Variants in PCDHA12 observed in about 807,000 individuals in gnomAD.
The protein encoded by PCDHA12 is protocadherin alpha-12.
PCDHA12 carries 44 observed loss-of-function variants against 60.0 expected under a neutral mutation model. That is an observed-to-expected ratio of 0.73 (90% CI 0.58 to 0.94). The LOEUF is 0.94. Ranked by LOEUF, PCDHA12 falls within the 40% of genes least tolerant of loss-of-function variation. The pLI is 0.00. For missense variants in PCDHA12, 1,276 were observed against 1,239.7 expected (o/e 1.03, Z -0.44); for synonymous variants, 569 against 553.0 (o/e 1.03, Z -0.40).
At chr5:140,923,134 G>C (rs962370475) in intron 1 of PCDHA12, among the ~76,000 whole-genome samples, 2 of 152,106 alleles carry the variant, frequency 1.3e-5, no homozygotes, top group Non-Finnish European at 1.5e-5. Flanking sequence ...CACTTTGAAG[G>C]TGGAATATAA....
intron 1 of PCDHA12, chr5:140,968,059 G>A (rs1554230273): frequency 6.2e-7 from 1 of 1,614,106 alleles, no homozygotes; most frequent in South Asian, 1.1e-5. Context: ...ACCGAGAGCG[G>A]GTGGCTGTCT....
At chr5:141,001,280 G>T (rs1308036863) in intron 3 of PCDHA12, among the ~76,000 whole-genome samples, 2 of 152,162 alleles carry the variant, frequency 1.3e-5, no homozygotes, top group South Asian at 2.1e-4. Context: ...TTTTTTTACG[G>T]ATGAAAACTG....
chr5:140,900,502 C>T (rs1242310833), intron 1 of PCDHA12, among the ~76,000 whole-genome samples: 3 of 152,184 alleles, frequency 2.0e-5, no homozygotes, highest in Non-Finnish European at 4.4e-5. Context: ...GTCTCAAATT[C>T]CCAGCCTCAG....
At chr5:140,885,328 A>G (rs2060562963) in intron 1 of PCDHA12, among the ~76,000 whole-genome samples, 1 of 152,114 alleles carries the variant, frequency 6.6e-6, no homozygotes, top group Non-Finnish European at 1.5e-5. Context: ...TTCTTTTCCA[A>G]AGTTTGAAGG....
chr5:140,914,115 G>A (rs1287523867), intron 1 of PCDHA12, among the ~76,000 whole-genome samples: 1 of 152,168 alleles, frequency 6.6e-6, no homozygotes, highest in Non-Finnish European at 1.5e-5. Flanking sequence ...GATTAAGTCT[G>A]ATGTTTCTTT....
chr5:141,004,768 A>G (rs2098180289), intron 3 of PCDHA12, among the ~76,000 whole-genome samples: 1 of 152,160 alleles, frequency 6.6e-6, no homozygotes, highest in Non-Finnish European at 1.5e-5. Flanking sequence ...CAGGACCTGT[A>G]TTTTAAAGGT....
At position 140,927,806 on chromosome 5, in the gene PCDHA12, T is replaced by C. The variant is rs1554205074; in HGVS notation, c.2367+49967T>C. 4 of 1,614,004 alleles carry C rather than the reference T, an allele frequency of 2.5e-6. No individual in the cohort carries two copies. In the African/African-American group the frequency reaches 5.3e-5, roughly 22 times the overall value. On this transcript the variant is annotated intron_variant, in intron 1 of 3. Transcript: ENST00000398631. ...GCTTCACTAGGTCCGCCTGAAACGC[T>C]CTTGGAGGCATACATTGAGGCGAGG...
At chr5:140,884,469 C>A in intron 1 of PCDHA12, 1 of 1,613,766 alleles carries the variant, frequency 6.2e-7, no homozygotes, top group Non-Finnish European at 8.5e-7. Flanking sequence ...GCGTGCGCGC[C>A]GGGCAAGCCC....
Position 141,010,271 on chromosome 5 carries a change from C to T in PCDHA12, c.*334C>T, listed in dbSNP as rs1031489236. The T allele has an allele frequency of 5.5e-5, 85 of 1,551,586 alleles. No individual in the cohort carries two copies. The highest frequency in any genetic ancestry group is 7.2e-5 in the Non-Finnish European group (83 of 1,146,992). On this transcript the variant is annotated 3_prime_UTR_variant, in exon 4 of 4. Coordinates refer to ENST00000398631, the MANE Select transcript of PCDHA12 (RefSeq NM_018903.4). ...CTCTCTGCCCTGTGCTCCGGGGATCCTGTCTTGATGACACTTGCAGGGCAG... is the reference window on the plus strand; with the variant it reads ...CTCTCTGCCCTGTGCTCCGGGGATCTTGTCTTGATGACACTTGCAGGGCAG...
rs782761361 is a variant in PCDHA12, at chr5:140,927,794, C to T, written c.2367+49955C>T. 1.2e-5 allele frequency: 20 copies of T among 1,614,154 alleles called. No individual in the cohort carries two copies. In the South Asian group the frequency reaches 1.6e-4, roughly 13 times the overall value. Reference sequence around the variant, plus strand: ...GTGCAAGTAGCTGCTTCACTAGGTCCGCCTGAAACGCTCTTGGAGGCATAC... The same window carrying T: ...GTGCAAGTAGCTGCTTCACTAGGTCTGCCTGAAACGCTCTTGGAGGCATAC... On this transcript the variant is annotated intron_variant, in intron 1 of 3. Coordinates refer to ENST00000398631, the MANE Select transcript of PCDHA12 (RefSeq NM_018903.4).
chr5:141,005,731 A>AAAAAAG (rs2098235322), intron 3 of PCDHA12, among the ~76,000 whole-genome samples: 2 of 149,106 alleles, frequency 1.3e-5, no homozygotes, highest in East Asian at 1.9e-4. Flanking sequence ...AAAAAAAAAA[A>AAAAAAG]GAATGGATGA....
chr5:140,967,282 G>T, intron 1 of PCDHA12: 1 of 1,613,078 alleles, frequency 6.2e-7, no homozygotes. Flanking sequence ...TAGAGAGTGC[G>T]CAGGACCCCG....
intron 1 of PCDHA12, among the ~76,000 whole-genome samples, chr5:140,959,004 C>G (rs1554223791): frequency 6.6e-6 from 1 of 151,642 alleles, no homozygotes; most frequent in African/African-American, 2.4e-5. Flanking sequence ...TTTACTGTAC[C>G]TAATTTATAC....
At chr5:140,896,470 C>T (rs1583233416) in intron 1 of PCDHA12, among the ~76,000 whole-genome samples, 2 of 151,962 alleles carry the variant, frequency 1.3e-5, no homozygotes, top group South Asian at 4.2e-4. Context: ...TCAAGCGGTT[C>T]TCCTGCCTCA....
rs1554167756 is a variant in PCDHA12 at position 140,875,560 on chromosome 5, C to T, written c.88C>T (p.Gln30Ter). ...LLAAWEVGSGQLHYSVYEEAK... is the reference protein window; with the variant it reads ...LLAAWEVGSG ...TGCAGCCTGGGAGGTGGGGAGCGGC[C>T]AGCTCCACTACTCCGTCTACGAGGA... Residue 30 changes from glutamine (Q) to a stop codon, truncating the protein, a stop_gained, in exon 1 of 4, where the codon CAG (glutamine) becomes TAG (stop). Coordinates refer to ENST00000398631, the MANE Select transcript of PCDHA12 (RefSeq NM_018903.4). LOFTEE classifies it high-confidence loss of function. 2 of 1,614,124 alleles carry T rather than the reference C, an allele frequency of 1.2e-6. No homozygotes were observed. The highest frequency in any genetic ancestry group is 3.3e-5 in the Admixed American group (2 of 60,026).
chr5:140,932,583 G>A (rs1007147257), intron 1 of PCDHA12, among the ~76,000 whole-genome samples: 29 of 151,810 alleles, frequency 1.9e-4, no homozygotes, highest in Admixed American at 1.8e-3. Flanking sequence ...AGGGTAATTA[G>A]ATGTTTTGTA....
chr5:140,899,071 C>T (rs1436283947), intron 1 of PCDHA12, among the ~76,000 whole-genome samples: 1 of 152,106 alleles, frequency 6.6e-6, no homozygotes, highest in African/African-American at 2.4e-5. Flanking sequence ...AGTTGCTTAT[C>T]AGCTTAAGGA....
intron 1 of PCDHA12, among the ~76,000 whole-genome samples, chr5:140,946,079 G>A (rs2093884371): frequency 6.6e-6 from 1 of 151,926 alleles, no homozygotes; most frequent in African/African-American, 2.4e-5. Context: ...GCAAACCACA[G>A]ATCTGATAAG....
At chr5:140,909,977 G>A (rs1554194042) in intron 1 of PCDHA12, among the ~76,000 whole-genome samples, 2 of 152,214 alleles carry the variant, frequency 1.3e-5, no homozygotes, top group African/African-American at 4.8e-5. Flanking sequence ...AAGGATGGGA[G>A]AAAGACTAAC....
Sources: gnomAD v4.1 joint callset for allele counts (sites outside exome capture counted in the v4.1 genomes callset) on GRCh38, gnomAD v4.1.1 for gene constraint, MANE v1.5 for transcripts, NCBI Gene and HGNC (gene_info 2026-07-23, HGNC 2026-07-21) for gene names.